The following RCAN3 variants were observed in gnomAD, a reference collection of about 807,000 sequenced individuals.
RCAN3 encodes the protein calcipressin-3.
Under a neutral mutation model 21.9 loss-of-function variants are expected in RCAN3, and 19 were observed. The ratio of observed to expected loss-of-function variants is 0.87; its 90% confidence interval spans 0.61 to 1.27. The LOEUF (loss-of-function observed/expected upper bound fraction) is 1.27. Among genes scored for constraint, RCAN3 ranks in the 50% most tolerant of loss-of-function variants. The pLI, the probability that RCAN3 is intolerant of heterozygous loss-of-function variation, is 0.00. For synonymous variants in RCAN3, 114 were observed against 112.3 expected (o/e 1.01, Z -0.09); for missense variants, 240 against 300.1 (o/e 0.80, Z 1.48).
Position 24,535,245 on chromosome 1 carries a change from A to G in RCAN3, c.694A>G (p.Asn232Asp). The G allele has an allele frequency of 1.9e-6, 3 of 1,576,942 alleles. No individual in the cohort carries two copies. The highest frequency in any genetic ancestry group is 1.2e-5 in the South Asian group (1 of 85,078). ...RRPDPPTAAL[N>D]EPQTFDCAL is the part of the protein sequence containing the mutation. ...CCCCGACCCTCCGACCGCAGCGTTG[A>G]ATGAGCCCCAGACCTTTGATTGCGC... Residue 232 changes from asparagine (N) to aspartate (D), a missense_variant, in exon 5 of 5, where the codon AAT (asparagine) becomes GAT (aspartate). Physicochemically the swap from Asn to Asp is conservative, Grantham distance 23 (BLOSUM62 1). Coordinates refer to ENST00000374395, the MANE Select transcript of RCAN3 (RefSeq NM_013441.4).
rs1237902332 is a variant in RCAN3, at chr1:24,535,363, A to G, written c.*86A>G. 2.3e-5 allele frequency: 32 copies of G among 1,409,374 alleles called. No homozygotes were observed. Among genetic ancestry groups the G allele is most frequent in the African/African-American group, 3.0e-5 (2 of 67,574 alleles). The allele number at this position is 1,409,374 out of a possible 1,614,324, so 87.3% of individuals were successfully genotyped here. ...CTGCGGCCGATGCGTTGCTGCGAAC[A>G]GCATAGGTGAGACTCTGCCGAGTGA... On this transcript the variant is annotated 3_prime_UTR_variant, in exon 5 of 5. Coordinates refer to ENST00000374395, the MANE Select transcript of RCAN3 (RefSeq NM_013441.4).
chr1:24,513,031 A>G (rs1440305384), intron 1 of RCAN3, among the ~76,000 whole-genome samples: 1 of 152,046 alleles, frequency 6.6e-6, no homozygotes, highest in African/African-American at 2.4e-5. Flanking sequence ...AGGTCAGGAG[A>G]TCGAGACCAT....
In RCAN3 at chr1:24,533,127, G is replaced by C. The variant is rs196429; in HGVS notation, c.414G>C (p.Pro138=). The C allele has an allele frequency of 1.3e-6, 2 of 1,574,672 alleles. No homozygotes were observed. The part of the protein sequence containing the change: ...GEVRDKSYLL[P]PQPVKQFLIS... The stretch of plus-strand genomic sequence containing the variant: ...TGCGGGACAAGTCCTATCTCCTGCC[G>C]CCCCAGCCTGTCAAGCAGTTCCTCA... Residue 138 remains proline (P), a synonymous_variant, in exon 4 of 5, where the codon CCG becomes CCC. Transcript: ENST00000374395.
rs1211617950 is a variant in RCAN3 at position 24,535,126 on chromosome 1, C to T, written c.575C>T (p.Ser192Leu). Residue 192 changes from serine (S) to leucine (L), a missense_variant, in exon 5 of 5, where the codon TCG becomes TTG. Physicochemically the swap from Ser to Leu is moderately radical, Grantham distance 145 (BLOSUM62 -2). Transcript: ENST00000374395. ...TATGAACTTCACGCGGGAACAGAGT[C>T]GACACCCAGCGTGGTGGTTCATGTC... is the stretch of plus-strand genomic sequence containing the variant. Reference protein sequence around the residue: ...EKYELHAGTESTPSVVVHVCE... With the variant: ...EKYELHAGTELTPSVVVHVCE... The T allele has an allele frequency of 1.9e-6, 3 of 1,595,954 alleles. No homozygotes were observed. Among genetic ancestry groups the T allele is most frequent in the Admixed American group, 1.8e-5 (1 of 55,256 alleles).
chr1:24,530,101 C>T (rs1314588098), intron 2 of RCAN3, among the ~76,000 whole-genome samples: 2 of 151,458 alleles, frequency 1.3e-5, no homozygotes, highest in Admixed American at 6.6e-5. Flanking sequence ...ACCTATAATC[C>T]CAGCACTTTG....
chr1:24,509,461 C>T (rs1647713494), intron 1 of RCAN3, among the ~76,000 whole-genome samples: 2 of 152,216 alleles, frequency 1.3e-5, no homozygotes. Flanking sequence ...GTCATTTCAA[C>T]AATGTTTACA....
chr1:24,503,310 C>A (rs1647223989), intron 1 of RCAN3, among the ~76,000 whole-genome samples, 160 bp downstream of exon 1: 1 of 151,492 alleles, frequency 6.6e-6, no homozygotes, highest in Admixed American at 6.6e-5. Context: ...CGCGCGACCT[C>A]GCCTCCCGCG....
At chr1:24,510,657 G>C (rs929243931) in intron 1 of RCAN3, among the ~76,000 whole-genome samples, 15 of 152,168 alleles carry the variant, frequency 9.9e-5, no homozygotes, top group Non-Finnish European at 2.2e-4. Flanking sequence ...CAGACTTTTC[G>C]TATCAGCGAT....
At chr1:24,527,672 T>C (rs566994743) in intron 2 of RCAN3, among the ~76,000 whole-genome samples, 25 of 152,304 alleles carry the variant, frequency 1.6e-4, no homozygotes, top group Non-Finnish European at 3.1e-4. Context: ...GATCTTTACA[T>C]AGGCGAAGCA....
At chr1:24,534,420 T>G (rs1325679220) in intron 4 of RCAN3, among the ~76,000 whole-genome samples, 1 of 151,898 alleles carries the variant, frequency 6.6e-6, no homozygotes, top group Non-Finnish European at 1.5e-5. Context: ...CTGGCCAACA[T>G]GATAAAACCC....
chr1:24,535,104 G>T lies in RCAN3; in HGVS notation c.553G>T (p.Glu185Ter). The change falls in exon 5 of 5, where the codon GAA becomes TAA. Residue 185 changes from glutamate to a stop codon, truncating the protein, a stop_gained. Coordinates refer to ENST00000374395, the MANE Select transcript of RCAN3 (RefSeq NM_013441.4). LOFTEE classifies it high-confidence loss of function. ...VSKLGPGEKY[E>*]LHAGTESTPS... Reference sequence around the variant, plus strand: ...GTTTGCCTCTGCAGGAGAGAAATATGAACTTCACGCGGGAACAGAGTCGAC... The same window carrying T: ...GTTTGCCTCTGCAGGAGAGAAATATTAACTTCACGCGGGAACAGAGTCGAC... 1 of 1,594,568 alleles carries T rather than the reference G, an allele frequency of 6.3e-7. No individual in the cohort carries two copies. Among genetic ancestry groups the T allele is most frequent in the South Asian group, 1.1e-5 (1 of 87,310 alleles).
At chr1:24,529,638 C>G (rs1231600809) in intron 2 of RCAN3, among the ~76,000 whole-genome samples, 3 of 149,722 alleles carry the variant, frequency 2.0e-5, no homozygotes, top group African/African-American at 7.4e-5. Flanking sequence ...GCAACCTCCG[C>G]TTCCCAGGTT....
chr1:24,506,824 G>T (rs1647479432), intron 1 of RCAN3, among the ~76,000 whole-genome samples: 2 of 151,594 alleles, frequency 1.3e-5, no homozygotes, highest in African/African-American at 4.9e-5. Context: ...CTTTTTACGG[G>T]TTAGACGAGG....
chr1:24,529,850 C>T (rs1649604782), intron 2 of RCAN3, among the ~76,000 whole-genome samples: 1 of 151,478 alleles, frequency 6.6e-6, no homozygotes, highest in Admixed American at 6.6e-5. Context: ...TGTGCCCTGC[C>T]TTCTATTTTA....
intron 2 of RCAN3, among the ~76,000 whole-genome samples, chr1:24,524,828 G>GTTTTTTTTTT (rs5773091): frequency 3.8e-4 from 48 of 127,212 alleles, no homozygotes; most frequent in Non-Finnish European, 6.6e-4. Flanking sequence ...GTTTTCTTTT[G>GTTTTTTTTTT]TTTTTTTTTT....
In RCAN3 at chr1:24,535,282, C is replaced by G; in HGVS notation, c.*5C>G. On this transcript the variant is annotated 3_prime_UTR_variant, in exon 5 of 5. Transcript: ENST00000374395. ...ACCTTTGATTGCGCGCTGTGAGGCC[C>G]TTGGTTGTGGTGCGAGGCGGCTGCC... 6.5e-7 allele frequency: 1 copy of G among 1,529,758 alleles called. No homozygotes were observed. The highest frequency in any genetic ancestry group is 8.7e-7 in the Non-Finnish European group (1 of 1,145,850). 94.8% of individuals were successfully genotyped at this position (1,529,758 alleles called of 1,614,324 possible).
chr1:24,535,271 G>T lies in RCAN3; in HGVS notation c.720G>T (p.Ala240=), dbSNP rs1391951200. Residue 240 remains alanine (A), a synonymous_variant, in exon 5 of 5, where the codon GCG becomes GCT. Coordinates refer to ENST00000374395, the MANE Select transcript of RCAN3 (RefSeq NM_013441.4). ...ATGAGCCCCAGACCTTTGATTGCGC[G>T]CTGTGAGGCCCTTGGTTGTGGTGCG... ...ALNEPQTFDC[A]L is the part of the protein sequence containing the mutation. The T allele has an allele frequency of 1.3e-6, 2 of 1,540,006 alleles. No homozygotes were observed. The highest frequency in any genetic ancestry group is 1.3e-5 in the South Asian group (1 of 78,040).
chr1:24,529,043 C>T (rs1649518666), intron 2 of RCAN3, among the ~76,000 whole-genome samples: 1 of 152,182 alleles, frequency 6.6e-6, no homozygotes. Context: ...AAACTCCCAT[C>T]TATTTGCAAT....
rs539400222 is a variant in RCAN3 at position 24,532,923 on chromosome 1, TGG to T, written c.370-158_370-157del. Reference sequence around the variant, plus strand: ...GAGATTGGACCACTGCACTCCAGCCTGGGCGACAAAGTGAGACTCCGTCTCAA... The same window carrying T: ...GAGATTGGACCACTGCACTCCAGCCTGCGACAAAGTGAGACTCCGTCTCAA... On this transcript the variant is annotated intron_variant, in intron 3 of 4. Coordinates refer to ENST00000374395, the MANE Select transcript of RCAN3 (RefSeq NM_013441.4). 6.1e-3 allele frequency among the ~76,000 whole-genome samples: 702 copies of T among 115,108 alleles called. 8 individuals are homozygous for T. The highest frequency in any genetic ancestry group is 0.011 in the Middle Eastern group (1 of 88). The allele number at this position is 115,108 out of a possible 152,430, so 75.5% of individuals were successfully genotyped here.
Sources: gnomAD v4.1 joint callset for allele counts (sites outside exome capture counted in the v4.1 genomes callset) on GRCh38, gnomAD v4.1.1 for gene constraint, MANE v1.5 for transcripts, NCBI Gene and HGNC (gene_info 2026-07-23, HGNC 2026-07-21) for gene names.